SLC38A10: variants seen among roughly 807,000 people sequenced by gnomAD.
SLC38A10 encodes Sodium-coupled neutral amino acid transporter 10.
SLC38A10 carries 53 observed loss-of-function variants against 81.0 expected under a neutral mutation model. The observed-to-expected ratio is 0.65, with a 90% CI of 0.53 to 0.82. The LOEUF (loss-of-function observed/expected upper bound fraction) is 0.82. Ranked by LOEUF, SLC38A10 falls within the 40% of genes least tolerant of loss-of-function variation. The probability of loss-of-function intolerance (pLI) is 0.00; values close to 1 mark genes in which losing one functional copy is unlikely to be tolerated. For missense variants in SLC38A10, 1,471 were observed against 1,545.0 expected, an observed-to-expected ratio of 0.95 and a Z score of 0.80; for synonymous variants, 665 against 655.3, an observed-to-expected ratio of 1.01 and a Z score of -0.23.
rs748031903 is a variant in SLC38A10 at position 81,289,657 on chromosome 17, G to A, written c.217+34C>T. On this transcript the variant is annotated intron_variant, in intron 2 of 15. Coordinates refer to ENST00000374759, the MANE Select transcript of SLC38A10 (RefSeq NM_001037984.3). This position sits in a 1 kb window ranked among gnomAD's most constrained non-coding sequence, Gnocchi z 5.9. Reference sequence around the variant, plus strand: ...TAAATGGAATAAGGCCCCCGCCCCAGGTCCAGAGCCACCTTGTGGAGAGGG... The same window carrying A: ...TAAATGGAATAAGGCCCCCGCCCCAAGTCCAGAGCCACCTTGTGGAGAGGG... The A allele has an allele frequency of 5.3e-6, 8 of 1,497,516 alleles. No individual in the cohort carries two copies. The South Asian group carries it at 9.6e-5, about 18-fold the overall frequency. The allele number at this position is 1,497,516 out of a possible 1,614,324, so 92.8% of individuals were successfully genotyped here.
rs72850647 is a variant in SLC38A10 at position 81,288,307 on chromosome 17, C to T, written c.217+1384G>A. On this transcript the variant is annotated intron_variant, in intron 2 of 15. Coordinates refer to ENST00000374759, the MANE Select transcript of SLC38A10 (RefSeq NM_001037984.3). This position sits in a 1 kb window ranked among gnomAD's most constrained non-coding sequence, Gnocchi z 5.4. ...CTCCCGCCACCTCCTCACTCTGCCG[C>T]GGGAGCTGTGAGCCCGGGGGGCAGG... Among the ~76,000 whole-genome samples, 7,397 of 152,288 alleles carry T rather than the reference C, an allele frequency of 0.049. 230 individuals carry two copies. Among genetic ancestry groups the T allele is most frequent in the Middle Eastern group, 0.085 (25 of 294 alleles).
chr17:81,255,297 G>A (rs1382692502), intron 11 of SLC38A10, among the ~76,000 whole-genome samples: 3 of 152,274 alleles, frequency 2.0e-5, no homozygotes, highest in Non-Finnish European at 2.9e-5. Context: ...AGCTGTCTGC[G>A]GGCAATGCAC....
chr17:81,280,057 G>A (rs1220645219), intron 6 of SLC38A10: 1 of 415,194 alleles, frequency 2.4e-6, no homozygotes, highest in Non-Finnish European at 5.0e-6. Flanking sequence ...TTTTCAGCCG[G>A]TTACCATGTT....
chr17:81,280,819 G>A (rs1296096269), intron 5 of SLC38A10, 86 bp from the exon 6 acceptor site: 1 of 1,509,188 alleles, frequency 6.6e-7, no homozygotes, highest in East Asian at 2.3e-5. Flanking sequence ...CTAGGAAGGA[G>A]TGGCAGGAGA....
Position 81,294,858 on chromosome 17 carries a change from C to T in SLC38A10, c.64G>A (p.Val22Ile), listed in dbSNP as rs756241539. The change falls in exon 1 of 16, where the codon GTC becomes ATC. Residue 22 changes from valine to isoleucine, a missense_variant. Val to Ile is a conservative substitution (Grantham distance 29). Coordinates refer to ENST00000374759, the MANE Select transcript of SLC38A10 (RefSeq NM_001037984.3). ...ITNIVNSIVGVSVLTMPFCFK... is the reference protein window; with the variant it reads ...ITNIVNSIVGISVLTMPFCFK... ...CAGAAGGGCATGGTGAGGACACTGA[C>T]CCCTACGATGCTGTTCACGATGTTC... 3 of 1,599,654 alleles carry T rather than the reference C, an allele frequency of 1.9e-6. No homozygotes were observed. Among genetic ancestry groups the T allele is most frequent in the Non-Finnish European group, 2.6e-6 (3 of 1,174,316 alleles).
chr17:81,284,799 G>T (rs1003165974), intron 3 of SLC38A10, 51 bp downstream of exon 3: 7 of 1,433,364 alleles, frequency 4.9e-6, no homozygotes, highest in Non-Finnish European at 5.6e-6. Context: ...AGGGTCCCCA[G>T]TGTCTGGGTG....
At chr17:81,272,933 A>G (rs188628330) in intron 8 of SLC38A10, among the ~76,000 whole-genome samples, 143 of 152,330 alleles carry the variant, frequency 9.4e-4, no homozygotes, top group African/African-American at 3.4e-3. Flanking sequence ...CTTTTAGAGC[A>G]ATACCACGAG....
In SLC38A10 at chr17:81,276,970, G is replaced by A. The variant is rs1358704102; in HGVS notation, c.729+61C>T. On this transcript the variant is annotated intron_variant, in intron 7 of 15. Coordinates refer to ENST00000374759, the MANE Select transcript of SLC38A10 (RefSeq NM_001037984.3). The surrounding 1 kb of genome is among the most constrained non-coding windows in gnomAD (Gnocchi z 4.7). ...GCCATGCCTGTGGCAGTCCCACGGGGCACCACGGCACATCATGCTGGCATG... is the reference window on the plus strand; with the variant it reads ...GCCATGCCTGTGGCAGTCCCACGGGACACCACGGCACATCATGCTGGCATG... 3 of 1,521,672 alleles carry A rather than the reference G, an allele frequency of 2.0e-6. No individual in the cohort carries two copies. Among genetic ancestry groups the A allele is most frequent in the Admixed American group, 3.4e-5 (2 of 59,658 alleles). The allele number at this position is 1,521,672 out of a possible 1,614,324, so 94.3% of individuals were successfully genotyped here. A position where few individuals can be genotyped will look rare whatever the true frequency, so the allele number is the denominator to read the frequency against.
At chr17:81,291,941 C>T (rs557234004) in intron 1 of SLC38A10, among the ~76,000 whole-genome samples, 34 of 152,236 alleles carry the variant, frequency 2.2e-4, no homozygotes, top group African/African-American at 7.7e-4. Flanking sequence ...CCGGGTAGGC[C>T]GCCACGGCCA....
rs145343552 is a variant in SLC38A10, at chr17:81,270,927, A to C, written c.1122T>G (p.Leu374=). ...CACGAGCAGCACGCACCTGGGAGGA[A>C]AGTGCGTTCTTGTGGATTTTCTTGT... The part of the protein sequence containing the change: ...LIYKKIHKNA[L]SSQVVLWVGL... Residue 374 remains leucine, a synonymous_variant, in exon 10 of 16, where the codon CTT becomes CTG. Coordinates refer to ENST00000374759, the MANE Select transcript of SLC38A10 (RefSeq NM_001037984.3). This position sits in a 1 kb window ranked among gnomAD's most constrained non-coding sequence, Gnocchi z 4.0. 6.8e-6 allele frequency: 11 copies of C among 1,613,744 alleles called. No individual in the cohort carries two copies. In the African/African-American group the frequency reaches 1.3e-4, roughly 20 times the overall value.
intron 11 of SLC38A10, among the ~76,000 whole-genome samples, chr17:81,255,541 C>T (rs1048626085): frequency 1.3e-5 from 2 of 152,212 alleles, no homozygotes; most frequent in African/African-American, 4.8e-5. Flanking sequence ...GGGAGGAGAT[C>T]TCTGGCATCC....
At chr17:81,292,584 A>G (rs889845172) in intron 1 of SLC38A10, among the ~76,000 whole-genome samples, 3 of 152,132 alleles carry the variant, frequency 2.0e-5, no homozygotes, top group Non-Finnish European at 4.4e-5. Flanking sequence ...CGTGGAGGAG[A>G]CGCTGCGGCC....
rs780284908 is a variant in SLC38A10, at chr17:81,252,258, C to G, written c.1882G>C (p.Gly628Arg). 3 of 1,591,008 alleles carry G rather than the reference C, an allele frequency of 1.9e-6. No homozygotes were observed. Among genetic ancestry groups the G allele is most frequent in the African/African-American group, 2.7e-5 (2 of 74,100 alleles). ...GCGGCGTTGCCTGGCGGCGGTCCCC[C>G]CTTGGCCTTTTCCCCTCCACCCACC... ...LAVGGGEKAK[G>R]GPPPGNAAGD... The change falls in exon 13 of 16, where the codon GGG (glycine) becomes CGG (arginine). Residue 628 changes from glycine to arginine, a missense_variant. Physicochemically the swap from Gly to Arg is moderately radical, Grantham distance 125. Transcript: ENST00000374759.
intron 14 of SLC38A10, among the ~76,000 whole-genome samples, chr17:81,248,397 G>A (rs565025620): frequency 6.2e-4 from 95 of 152,332 alleles, no homozygotes; most frequent in African/African-American, 2.0e-3. Context: ...AGTGCACCCC[G>A]TGTTAAGAGC....
Position 81,286,107 on chromosome 17 carries a change from C to A in SLC38A10, c.218-1212G>T, listed in dbSNP as rs561318575. On this transcript the variant is annotated intron_variant, in intron 2 of 15. Coordinates refer to ENST00000374759, the MANE Select transcript of SLC38A10 (RefSeq NM_001037984.3). The surrounding 1 kb of genome is among the most constrained non-coding windows in gnomAD (Gnocchi z 6.0). ...GGAGCCCCCTCAGCAGCCCACAGCC[C>A]AGGGCCCTGCTGTCACCAAGGAACG... Among the ~76,000 whole-genome samples, 1 of 152,304 alleles carries A rather than the reference C, an allele frequency of 6.6e-6. No individual in the cohort carries two copies. Among genetic ancestry groups the A allele is most frequent in the Admixed American group, 6.5e-5 (1 of 15,306 alleles).
In SLC38A10 at chr17:81,282,339, G is replaced by A. The variant is rs775871415; in HGVS notation, c.358-7C>T. The A allele has an allele frequency of 1.9e-5, 30 of 1,603,344 alleles. No homozygotes were observed. The highest frequency in any genetic ancestry group is 2.3e-5 in the Non-Finnish European group (27 of 1,175,446). On this transcript the variant is annotated splice_polypyrimidine_tract_variant and splice_region_variant and intron_variant, in intron 4 of 15. Coordinates refer to ENST00000374759, the MANE Select transcript of SLC38A10 (RefSeq NM_001037984.3). The stretch of plus-strand genomic sequence containing the variant: ...TGCGGAAGGTGCCGCCCACCTGCGG[G>A]GAGCCGGCAGGGGGTCTTGGCCACA...
chr17:81,275,252 C>A (rs953401520), intron 8 of SLC38A10, among the ~76,000 whole-genome samples: 5 of 152,006 alleles, frequency 3.3e-5, no homozygotes, highest in African/African-American at 7.3e-5. Flanking sequence ...TCTGTTGCCC[C>A]AGCTGGAGTG....
At position 81,252,556 on chromosome 17, in the gene SLC38A10, G is replaced by T; in HGVS notation, c.1584C>A (p.Gly528=). ...GGCCCTGGACCCCTGGAGCCTTTCC[G>T]CCCGCGTGTCTGGATGGAGGTTTGT... The part of the protein sequence containing the change: ...EENKPPSRHA[G]GKAPGVQGQM... Residue 528 remains glycine, a synonymous_variant, in exon 13 of 16, where the codon GGC becomes GGA. Coordinates refer to ENST00000374759, the MANE Select transcript of SLC38A10 (RefSeq NM_001037984.3). 1 of 1,613,360 alleles carries T rather than the reference G, an allele frequency of 6.2e-7. No individual in the cohort carries two copies. Among genetic ancestry groups the T allele is most frequent in the South Asian group, 1.1e-5 (1 of 91,088 alleles).
In SLC38A10 at chr17:81,251,534, A is replaced by G; in HGVS notation, c.2024T>C (p.Val675Ala). Reference protein sequence around the residue: ...LPPEPREQRDVERAGGNQAAS... With the variant: ...LPPEPREQRDAERAGGNQAAS... ...CGCCTGGTTTCCACCCGCTCGCTCC[A>G]CGTCCCTCTGCTCGCGAGGCTCGGG... is the stretch of plus-strand genomic sequence containing the variant. Residue 675 changes from valine (V) to alanine (A), a missense_variant, in exon 14 of 16, where the codon GTG (valine) becomes GCG (alanine). By Grantham distance (64) the Val-to-Ala change is moderately conservative. This residue lies in a region of SLC38A10 where 751 missense variants were observed against 717.4 expected (regional missense o/e 1.05). Transcript: ENST00000374759. 6.4e-7 allele frequency: 1 copy of G among 1,568,546 alleles called. No homozygotes were observed. The highest frequency in any genetic ancestry group is 8.6e-7 in the Non-Finnish European group (1 of 1,161,534).
Sources: allele counts gnomAD v4.1 joint callset (sites outside exome capture counted in the v4.1 genomes callset), GRCh38; gene constraint gnomAD v4.1.1; regional missense constraint gnomAD v4.1.1; non-coding constraint Gnocchi (gnomAD v3.1); transcripts MANE v1.5; gene names NCBI Gene and HGNC (gene_info 2026-07-23, HGNC 2026-07-21).